Variants in FDXACB1 observed in about 807,000 individuals in gnomAD.
FDXACB1 encodes the protein ferredoxin-fold anticodon-binding domain-containing protein 1.
Under a neutral mutation model 51.7 loss-of-function variants are expected in FDXACB1, and 41 were observed. That is an observed-to-expected ratio of 0.79 (90% CI 0.62 to 1.03). The LOEUF (loss-of-function observed/expected upper bound fraction) is 1.03, where lower values mean the gene tolerates loss of function less well. Ranked by LOEUF, FDXACB1 falls within the 50% of genes least tolerant of loss-of-function variation. FDXACB1 has a pLI of 0.00. For missense variants in FDXACB1, 697 were observed against 746.4 expected (o/e 0.93, Z 0.77); for synonymous variants, 273 against 278.6 (o/e 0.98, Z 0.20).
rs1381030608 is a variant in FDXACB1 at position 111,876,009 on chromosome 11, T to G, written c.788A>C (p.Lys263Thr). 1.2e-6 allele frequency: 2 copies of G among 1,613,840 alleles called. No homozygotes were observed. The highest frequency in any genetic ancestry group is 8.5e-7 in the Non-Finnish European group (1 of 1,179,896). The stretch of plus-strand genomic sequence containing the variant: ...CTGTGGCAGCAAAGGGTAGGAACAC[T>G]TCAGCCTTTTTAGCGGGAAAACTTT... Reference protein sequence around the residue: ...LGKVFPLKRLKCSYPLLPQEG... With the variant: ...LGKVFPLKRLTCSYPLLPQEG... Residue 263 changes from lysine (K) to threonine (T), a missense_variant, in exon 5 of 5, where the codon AAG becomes ACG. This residue lies in a region of FDXACB1 where 538 missense variants were observed against 592.2 expected (regional missense o/e 0.91). Transcript: ENST00000260257.
rs1218693866 is a variant in FDXACB1 at position 111,877,016 on chromosome 11, T to C, written c.330-5A>G. On this transcript the variant is annotated splice_region_variant and splice_polypyrimidine_tract_variant and intron_variant, in intron 2 of 4. Transcript: ENST00000260257. Reference sequence around the variant, plus strand: ...TCTGCAAGAACGTCTGCACAGCTAATAGGGAGAAAAGAAACACTAACTAAT... The same window carrying C: ...TCTGCAAGAACGTCTGCACAGCTAACAGGGAGAAAAGAAACACTAACTAAT... 1.9e-6 allele frequency: 3 copies of C among 1,567,996 alleles called. No individual in the cohort carries two copies. The East Asian group carries it at 7.0e-5, about 37-fold the overall frequency.
chr11:111,875,534 GC>G lies in FDXACB1; in HGVS notation c.1262del (p.Ser421ThrfsTer3). On this transcript the variant is annotated frameshift_variant, in exon 5 of 5. Transcript: ENST00000260257. LOFTEE classifies it high-confidence loss of function. The stretch of plus-strand genomic sequence containing the variant: ...TCTCCGGCAATGTCTGGGTCAGCAG[GC>G]TATCTAGAATGCCCTTCAGATGATC... ...LLDHLKGILD[S>X]LLTQTLPESS... 1 of 1,611,182 alleles carries G rather than the reference GC, an allele frequency of 6.2e-7. No homozygotes were observed. The highest frequency in any genetic ancestry group is 1.4e-5 in the African/African-American group (1 of 73,996).
chr11:111,879,073 C>A lies in FDXACB1; in HGVS notation c.60G>T (p.Leu20=). Residue 20 remains leucine (L), a synonymous_variant, in exon 1 of 5, where the codon CTG becomes CTT. Transcript: ENST00000260257. ...GAGTGCTCTGATCCAGGGTTTCGCTCAGAGCGGCGGCGAAGGAGAAATTCC... is the reference window on the plus strand; with the variant it reads ...GAGTGCTCTGATCCAGGGTTTCGCTAAGAGCGGCGGCGAAGGAGAAATTCC... ...GEGNFSFAAA[L]SETLDQSTQL... is the part of the protein sequence containing the mutation. 1 of 1,613,732 alleles carries A rather than the reference C, an allele frequency of 6.2e-7. No individual in the cohort carries two copies. Among genetic ancestry groups the A allele is most frequent in the Non-Finnish European group, 8.5e-7 (1 of 1,179,856 alleles).
intron 1 of FDXACB1, 62 bp downstream of exon 1, chr11:111,878,899 C>T: frequency 6.4e-7 from 1 of 1,553,864 alleles, no homozygotes. Context: ...ACGCCCCCAC[C>T]CTTTCCACTT....
At position 111,875,983 on chromosome 11, in the gene FDXACB1, CCTGTGGCAG is replaced by C; in HGVS notation, c.805_813del (p.Leu269_Gln271del). 6.2e-7 allele frequency: 1 copy of C among 1,613,976 alleles called. No individual in the cohort carries two copies. Among genetic ancestry groups the C allele is most frequent in the Non-Finnish European group, 8.5e-7 (1 of 1,179,902 alleles). Reference sequence around the variant, plus strand: ...CAGAAAGGAAGAACACTGGTACCTTCCTGTGGCAGCAAAGGGTAGGAACACTTCAGCCTT... The same window carrying C: ...CAGAAAGGAAGAACACTGGTACCTTCCAAAGGGTAGGAACACTTCAGCCTT... On this transcript the variant is annotated inframe_deletion, in exon 5 of 5. Coordinates refer to ENST00000260257, the MANE Select transcript of FDXACB1 (RefSeq NM_138378.3).
rs781978541 is a variant in FDXACB1 at position 111,878,947 on chromosome 11, G to T, written c.172+14C>A. 1 of 1,582,940 alleles carries T rather than the reference G, an allele frequency of 6.3e-7. No individual in the cohort carries two copies. The highest frequency in any genetic ancestry group is 8.6e-7 in the Non-Finnish European group (1 of 1,166,602). On this transcript the variant is annotated intron_variant, in intron 1 of 4. Coordinates refer to ENST00000260257, the MANE Select transcript of FDXACB1 (RefSeq NM_138378.3). ...GCCGCTGGGCGGGGTTTCGCAGAGG[G>T]GCGGGCTCGCTACCTCGCTCGCGCA...
Position 111,874,784 on chromosome 11 carries a change from A to G in FDXACB1, c.*138T>C. 1 of 754,098 alleles carries G rather than the reference A, an allele frequency of 1.3e-6. No homozygotes were observed. The highest frequency in any genetic ancestry group is 2.1e-6 in the Non-Finnish European group (1 of 479,990). The allele number at this position is 754,098 out of a possible 1,614,324, so 46.7% of individuals were successfully genotyped here. On this transcript the variant is annotated 3_prime_UTR_variant, in exon 5 of 5. Transcript: ENST00000260257. ...TCAAAAAAAAAAAAAAAAAAAGATC[A>G]ACGAACAGTAGCTATGGTCACAAAG...
In FDXACB1 at chr11:111,875,294, G is replaced by A. The variant is rs958059402; in HGVS notation, c.1503C>T (p.Ile501=). 1 of 1,613,898 alleles carries A rather than the reference G, an allele frequency of 6.2e-7. No individual in the cohort carries two copies. Among genetic ancestry groups the A allele is most frequent in the African/African-American group, 1.3e-5 (1 of 75,004 alleles). ...LDLLAMLVWC[I]SDWRMLWTFD... ...ACGTCCACAACATTCTCCAGTCAGAGATACACCAGACAAGCATGGCTAATA... is the reference window on the plus strand; with the variant it reads ...ACGTCCACAACATTCTCCAGTCAGAAATACACCAGACAAGCATGGCTAATA... The change falls in exon 5 of 5, where the codon ATC becomes ATT. Residue 501 remains isoleucine, a synonymous_variant. Transcript: ENST00000260257.
intron 2 of FDXACB1, among the ~76,000 whole-genome samples, chr11:111,877,515 T>C (rs1387957423): frequency 1.3e-5 from 1 of 79,340 alleles, no homozygotes; most frequent in Non-Finnish European, 2.9e-5. Context: ...TTAGTTACTT[T>C]TTTTTTTTTT....
In FDXACB1 at chr11:111,876,635, G is replaced by C; in HGVS notation, c.538C>G (p.Gln180Glu). 1.2e-6 allele frequency: 2 copies of C among 1,611,148 alleles called. No individual in the cohort carries two copies. The highest frequency in any genetic ancestry group is 1.7e-6 in the Non-Finnish European group (2 of 1,178,998). The stretch of plus-strand genomic sequence containing the variant: ...CCTTCTACATGAAAGGACTTATCTT[G>C]ACTCCTGGCAAAATAGACACCAATA... ...AGYKCTGYRS[Q>E]DKSFHVEGAL... The change falls in exon 4 of 5, where the codon CAA (glutamine) becomes GAA (glutamate). Residue 180 changes from glutamine to glutamate, a missense_variant. Physicochemically the swap from Gln to Glu is conservative, Grantham distance 29. Coordinates refer to ENST00000260257, the MANE Select transcript of FDXACB1 (RefSeq NM_138378.3).
chr11:111,876,925 C>G lies in FDXACB1; in HGVS notation c.416G>C (p.Arg139Thr), dbSNP rs782439881. Residue 139 changes from arginine to threonine, a missense_variant, in exon 3 of 5, where the codon AGA (arginine) becomes ACA (threonine). Arg to Thr is a moderately conservative substitution (Grantham distance 71, BLOSUM62 -1). Coordinates refer to ENST00000260257, the MANE Select transcript of FDXACB1 (RefSeq NM_138378.3). ...CACTTGCCAACTGTTGTGCCATTCTCTCTGGGGCTTATCCGCAGGAGTTCC... is the reference window on the plus strand; with the variant it reads ...CACTTGCCAACTGTTGTGCCATTCTGTCTGGGGCTTATCCGCAGGAGTTCC... Reference protein sequence around the residue: ...QGGTPADKPQREWHNSWQVVA... With the variant: ...QGGTPADKPQTEWHNSWQVVA... 4 of 1,612,008 alleles carry G rather than the reference C, an allele frequency of 2.5e-6. No homozygotes were observed. The South Asian group carries it at 4.4e-5, about 18-fold the overall frequency.
At position 111,875,557 on chromosome 11, in the gene FDXACB1, G is replaced by A. The variant is rs1053913268; in HGVS notation, c.1240C>T (p.His414Tyr). Residue 414 changes from histidine (H) to tyrosine (Y), a missense_variant, in exon 5 of 5, where the codon CAT (histidine) becomes TAT (tyrosine). Around this residue, in one of 3 missense-constraint regions of FDXACB1, gnomAD observed 538 missense variants for 592.2 expected, o/e 0.91. Transcript: ENST00000260257. ...KDGCLQSLLD[H>Y]LKGILDSLLT... The stretch of plus-strand genomic sequence containing the variant: ...AGGCTATCTAGAATGCCCTTCAGAT[G>A]ATCCAGCAGTGATTGAAGACAGCCA... The A allele has an allele frequency of 6.2e-7, 1 of 1,611,266 alleles. No homozygotes were observed. Among genetic ancestry groups the A allele is most frequent in the East Asian group, 2.2e-5 (1 of 44,842 alleles).
Position 111,875,515 on chromosome 11 carries a change from G to T in FDXACB1, c.1282C>A (p.Pro428Thr), listed in dbSNP as rs141251272. Residue 428 changes from proline (P) to threonine (T), a missense_variant, in exon 5 of 5, where the codon CCG becomes ACG. Coordinates refer to ENST00000260257, the MANE Select transcript of FDXACB1 (RefSeq NM_138378.3). Reference sequence around the variant, plus strand: ...AAACTGCTCAGCTTAGAGCTCTCCGGCAATGTCTGGGTCAGCAGGCTATCT... The same window carrying T: ...AAACTGCTCAGCTTAGAGCTCTCCGTCAATGTCTGGGTCAGCAGGCTATCT... ...ILDSLLTQTL[P>T]ESSKLSSLVK... 6.7e-5 allele frequency: 108 copies of T among 1,611,300 alleles called. 1 individual carries two copies. In the Admixed American group the frequency reaches 8.9e-4, roughly 13 times the overall value.
intron 1 of FDXACB1, 86 bp downstream of exon 1, chr11:111,878,875 T>A: frequency 6.5e-7 from 1 of 1,532,078 alleles, no homozygotes; most frequent in Non-Finnish European, 8.8e-7. Flanking sequence ...AATCTCCACG[T>A]GGGTTACATC....
chr11:111,875,162 A>G lies in FDXACB1; in HGVS notation c.1635T>C (p.Asp545=). The change falls in exon 5 of 5, where the codon GAT becomes GAC. Residue 545 remains aspartate (D), a synonymous_variant. Transcript: ENST00000260257. ...CYVHDVSFWI[D]QKKGFDELEF... is the part of the protein sequence containing the mutation. ...CTAGTTCATCAAATCCTTTCTTCTG[A>G]TCTATCCAAAAACTAACATCATGCA... 6.2e-7 allele frequency: 1 copy of G among 1,613,830 alleles called. No individual in the cohort carries two copies. The highest frequency in any genetic ancestry group is 8.5e-7 in the Non-Finnish European group (1 of 1,179,892).
Position 111,875,264 on chromosome 11 carries a change from A to G in FDXACB1, c.1533T>C (p.Asp511=). The G allele has an allele frequency of 6.2e-7, 1 of 1,613,992 alleles. No individual in the cohort carries two copies. The highest frequency in any genetic ancestry group is 8.5e-7 in the Non-Finnish European group (1 of 1,179,886). The change falls in exon 5 of 5, where the codon GAT becomes GAC. Residue 511 remains aspartate (D), a synonymous_variant. Transcript: ENST00000260257. ...GGACAAAATTTTTCAGGAAACGGTT[A>G]TCAAACGTCCACAACATTCTCCAGT... is the stretch of plus-strand genomic sequence containing the variant. ...ISDWRMLWTF[D]NRFLKNFVPG...
In FDXACB1 at chr11:111,874,778, A is replaced by C; in HGVS notation, c.*144T>G. ...TCCGTCTCAAAAAAAAAAAAAAAAA[A>C]AGATCAACGAACAGTAGCTATGGTC... On this transcript the variant is annotated 3_prime_UTR_variant, in exon 5 of 5. Transcript: ENST00000260257. 2 of 740,842 alleles carry C rather than the reference A, an allele frequency of 2.7e-6. No homozygotes were observed. The highest frequency in any genetic ancestry group is 2.1e-6 in the Non-Finnish European group (1 of 469,354). 45.9% of individuals were successfully genotyped at this position (740,842 alleles called of 1,614,324 possible). A position where few individuals can be genotyped will look rare whatever the true frequency, so the allele number is the denominator to read the frequency against.
chr11:111,878,650 T>C lies in FDXACB1; in HGVS notation c.235A>G (p.Arg79Gly). ...QLADVFELHE[R>G]EFDQIYFIFP... ...ATGAAATAAATTTGATCAAATTCTC[T>C]CTCGTGCAGTTCAAAGACATCTGCC... The change falls in exon 2 of 5, where the codon AGA becomes GGA. Residue 79 changes from arginine (R) to glycine (G), a missense_variant. Around this residue, in one of 3 missense-constraint regions of FDXACB1, gnomAD observed 153 missense variants for 133.5 expected, o/e 1.15. Coordinates refer to ENST00000260257, the MANE Select transcript of FDXACB1 (RefSeq NM_138378.3). 1 of 1,610,188 alleles carries C rather than the reference T, an allele frequency of 6.2e-7. No individual in the cohort carries two copies. Among genetic ancestry groups the C allele is most frequent in the Non-Finnish European group, 8.5e-7 (1 of 1,178,178 alleles).
chr11:111,878,772 C>T (rs1964878937), intron 1 of FDXACB1, 60 bp from the exon 2 acceptor site: 1 of 1,554,344 alleles, frequency 6.4e-7, no homozygotes, highest in Admixed American at 2.0e-5. Flanking sequence ...AGACATGGAA[C>T]AGAAAAACTC....
Sources: allele counts gnomAD v4.1 joint callset (sites outside exome capture counted in the v4.1 genomes callset), GRCh38; gene constraint gnomAD v4.1.1; regional missense constraint gnomAD v4.1.1; transcripts MANE v1.5; gene names NCBI Gene and HGNC (gene_info 2026-07-23, HGNC 2026-07-21).